The following DGKB variants were observed in gnomAD, a reference collection of about 807,000 sequenced individuals.
DGKB encodes diacylglycerol kinase beta, also known as 90 kDa diacylglycerol kinase.
A neutral mutation model predicts 114.3 loss-of-function variants in DGKB; 67 were observed. The ratio of observed to expected loss-of-function variants is 0.59; its 90% CI spans 0.48 to 0.72. DGKB has a LOEUF of 0.72. Among genes scored for constraint, DGKB ranks in the 30% least tolerant of loss-of-function variants. The probability of loss-of-function intolerance (pLI) is 0.00; values close to 1 mark genes in which losing one functional copy is unlikely to be tolerated. For missense variants in DGKB, 907 were observed against 975.2 expected (o/e 0.93, Z 0.93); for synonymous variants, 398 against 323.1 (o/e 1.23, Z -2.49).
At chr7:14,438,437 AAC>A (rs891710718) in intron 21 of DGKB, among the ~76,000 whole-genome samples, 1 of 152,162 alleles carries the variant, frequency 6.6e-6, no homozygotes, top group Non-Finnish European at 1.5e-5. Flanking sequence ...AAAAGGATCA[AAC>A]ACAGACTCTC....
chr7:14,389,708 G>A (rs2128704361), intron 21 of DGKB, among the ~76,000 whole-genome samples: 1 of 152,274 alleles, frequency 6.6e-6, no homozygotes, highest in East Asian at 1.9e-4. Context: ...AAAGTAAACA[G>A]CACTTCAGCT....
chr7:14,542,067 T>G (rs1016380086), intron 20 of DGKB, among the ~76,000 whole-genome samples: 1 of 152,184 alleles, frequency 6.6e-6, no homozygotes, highest in African/African-American at 2.4e-5. Flanking sequence ...GTACTCTTCT[T>G]AAAACACCAT....
Position 14,605,272 on chromosome 7 carries a change from G to A in DGKB, c.1433+2162C>T, listed in dbSNP as rs1192289476. ...CAATGTGTATCACCTGCTTTAGAGTGCAGAAAGCAAGTTGCAAGATAATAT... is the reference window on the plus strand; with the variant it reads ...CAATGTGTATCACCTGCTTTAGAGTACAGAAAGCAAGTTGCAAGATAATAT... On this transcript the variant is annotated intron_variant, in intron 17 of 25. Transcript: ENST00000402815. Among the ~76,000 whole-genome samples the A allele has an allele frequency of 4.0e-5, 6 of 151,444 alleles. No individual in the cohort carries two copies. In the East Asian group the frequency reaches 5.8e-4, roughly 15 times the overall value.
At chr7:14,969,635 T>A (rs760522935) in intron 1 of DGKB, among the ~76,000 whole-genome samples, 1 of 152,158 alleles carries the variant, frequency 6.6e-6, no homozygotes, top group Non-Finnish European at 1.5e-5. Flanking sequence ...ATCTACGTTG[T>A]GTGCTCGTTA....
At position 14,571,357 on chromosome 7, in the gene DGKB, T is replaced by C. The variant is rs144522355; in HGVS notation, c.1770+2855A>G. Among the ~76,000 whole-genome samples the C allele has an allele frequency of 7.9e-5, 12 of 152,326 alleles. No individual in the cohort carries two copies. In the East Asian group the frequency reaches 2.3e-3, roughly 29 times the overall value. ...TGAAATGGAAGCCAGAAAATCTCTA[T>C]GGCCTAGAACATTGTTTTACAACTT... On this transcript the variant is annotated intron_variant, in intron 20 of 25. Transcript: ENST00000402815.
At chr7:14,728,563 G>A (rs1172597828) in intron 5 of DGKB, among the ~76,000 whole-genome samples, 18 of 152,066 alleles carry the variant, frequency 1.2e-4, no homozygotes, top group Non-Finnish European at 1.5e-5. Context: ...GGCCATGCCC[G>A]ATACTTACAA....
At chr7:14,575,379 A>T (rs1304681628) in intron 19 of DGKB, among the ~76,000 whole-genome samples, 1 of 152,214 alleles carries the variant, frequency 6.6e-6, no homozygotes, top group Non-Finnish European at 1.5e-5. Flanking sequence ...TAGACGGTCA[A>T]CATGACCTGA....
chr7:14,337,205 A>C (rs1810837673), intron 23 of DGKB, among the ~76,000 whole-genome samples: 1 of 152,114 alleles, frequency 6.6e-6, no homozygotes, highest in African/African-American at 2.4e-5. Flanking sequence ...TAATTTCAAT[A>C]ACTTCTAGAA....
chr7:14,753,915 G>T lies in DGKB; in HGVS notation c.168+13C>A, dbSNP rs774450775. ...AGAAAAGACAGACTTTAATAGAAAAGAAAATGTCTTACTTGGTTAAGAATG... is the reference window on the plus strand; with the variant it reads ...AGAAAAGACAGACTTTAATAGAAAATAAAATGTCTTACTTGGTTAAGAATG... On this transcript the variant is annotated intron_variant, in intron 4 of 25. Coordinates refer to ENST00000402815, the MANE Select transcript of DGKB (RefSeq NM_001350709.2). The T allele has an allele frequency of 6.8e-7, 1 of 1,477,396 alleles. No homozygotes were observed. The highest frequency in any genetic ancestry group is 1.4e-5 in the African/African-American group (1 of 71,604). The allele number at this position is 1,477,396 out of a possible 1,614,324, so 91.5% of individuals were successfully genotyped here.
At chr7:14,820,378 A>G (rs994736494) in intron 2 of DGKB, among the ~76,000 whole-genome samples, 1 of 152,160 alleles carries the variant, frequency 6.6e-6, no homozygotes, top group African/African-American at 2.4e-5. Flanking sequence ...GCCATAGTGT[A>G]TTGTTTAAAC....
At chr7:14,285,063 C>G (rs951672809) in intron 23 of DGKB, among the ~76,000 whole-genome samples, 10 of 151,938 alleles carry the variant, frequency 6.6e-5, no homozygotes, top group Admixed American at 6.6e-4. Flanking sequence ...GAAAATTATA[C>G]TGCTAAACCT....
Position 14,386,984 on chromosome 7 carries a change from T to C in DGKB, c.1836-41593A>G, listed in dbSNP as rs576608545. 1.1e-4 allele frequency among the ~76,000 whole-genome samples: 16 copies of C among 152,160 alleles called. No homozygotes were observed. In the South Asian group the frequency reaches 3.1e-3, roughly 30 times the overall value. ...CATTAAAATATTAAGTACTAAATGGTACTTGCTATTTTTATTAATGGATGC... is the reference window on the plus strand; with the variant it reads ...CATTAAAATATTAAGTACTAAATGGCACTTGCTATTTTTATTAATGGATGC... On this transcript the variant is annotated intron_variant, in intron 21 of 25. Transcript: ENST00000402815.
chr7:14,936,711 A>G (rs1785289774), intron 1 of DGKB, among the ~76,000 whole-genome samples: 1 of 151,934 alleles, frequency 6.6e-6, no homozygotes, highest in African/African-American at 2.4e-5. Flanking sequence ...GCAGACTTAG[A>G]CTTTCCTTTG....
At chr7:14,165,862 AT>A (rs1784546634) in intron 25 of DGKB, among the ~76,000 whole-genome samples, 1 of 152,204 alleles carries the variant, frequency 6.6e-6, no homozygotes, top group African/African-American at 2.4e-5. Flanking sequence ...AAGGAGTCTC[AT>A]TGGACTACTG....
intron 2 of DGKB, among the ~76,000 whole-genome samples, chr7:14,760,609 G>GAC (rs1454575095): frequency 4.6e-5 from 7 of 151,988 alleles, no homozygotes; most frequent in Non-Finnish European, 8.8e-5. Context: ...GACCCACAGA[G>GAC]ACACACACAT....
chr7:14,369,391 G>A (rs561602999), intron 21 of DGKB, among the ~76,000 whole-genome samples: 6 of 152,284 alleles, frequency 3.9e-5, no homozygotes, highest in African/African-American at 1.4e-4. Context: ...ATGTGTGCAT[G>A]TGTGTTTATA....
intron 23 of DGKB, among the ~76,000 whole-genome samples, chr7:14,245,212 T>A (rs1451452331): frequency 6.6e-6 from 1 of 151,752 alleles, no homozygotes; most frequent in Non-Finnish European, 1.5e-5. Context: ...GTGCTAAACT[T>A]TAAGAATAAT....
At chr7:14,186,064 C>T (rs1481621817) in intron 23 of DGKB, among the ~76,000 whole-genome samples, 1 of 152,180 alleles carries the variant, frequency 6.6e-6, no homozygotes, top group Admixed American at 6.5e-5. Flanking sequence ...AAGGAACAGT[C>T]AGCAGAGTAA....
chr7:14,470,031 C>T (rs979057763), intron 21 of DGKB, among the ~76,000 whole-genome samples: 1 of 151,818 alleles, frequency 6.6e-6, no homozygotes, highest in African/African-American at 2.4e-5. Flanking sequence ...AATGCTTACA[C>T]ACACAAATTT....
Sources: gnomAD v4.1 joint callset for allele counts (sites outside exome capture counted in the v4.1 genomes callset) on GRCh38, gnomAD v4.1.1 for gene constraint, MANE v1.5 for transcripts, NCBI Gene and HGNC (gene_info 2026-07-23, HGNC 2026-07-21) for gene names.